BCKDHB: variants seen among roughly 807,000 people sequenced by gnomAD.
BCKDHB encodes the protein branched chain keto acid dehydrogenase E1 subunit beta.
BCKDHB carries 41 observed loss-of-function variants against 48.5 expected under a neutral mutation model. The observed-to-expected ratio is 0.85, with a 90% CI of 0.66 to 1.10. The LOEUF (loss-of-function observed/expected upper bound fraction) is 1.10, where lower values mean the gene tolerates loss of function less well. Among genes scored for constraint, BCKDHB ranks in the 50% least tolerant of loss-of-function variants. The pLI, the probability that BCKDHB is intolerant of heterozygous loss-of-function variation, is 0.00. For missense variants in BCKDHB, 496 were observed against 494.2 expected, an observed-to-expected ratio of 1.00 and a Z score of -0.03; for synonymous variants, 201 against 174.8, an observed-to-expected ratio of 1.15 and a Z score of -1.18.
the BCKDHB span, among the ~76,000 whole-genome samples, chr6:80,450,524 G>A: frequency 1.3e-5 from 2 of 151,988 alleles, no homozygotes; most frequent in Non-Finnish European, 2.9e-5. Context: ...CAAGAGTTTT[G>A]GTATATAGGT....
intron 8 of BCKDHB, among the ~76,000 whole-genome samples, chr6:80,207,886 G>T (rs1243065257): frequency 2.0e-5 from 3 of 151,776 alleles, no homozygotes; most frequent in Non-Finnish European, 4.4e-5. Flanking sequence ...ACAGAACTCA[G>T]AAGAGGTATG....
chr6:80,404,480 G>A, the BCKDHB span, among the ~76,000 whole-genome samples: 1 of 151,334 alleles, frequency 6.6e-6, no homozygotes, highest in African/African-American at 2.4e-5. Context: ...GTTTAGCTAA[G>A]AATTTGTCTA....
At chr6:80,210,251 A>G (rs1434716786) in intron 8 of BCKDHB, among the ~76,000 whole-genome samples, 2 of 150,394 alleles carry the variant, frequency 1.3e-5, no homozygotes, top group South Asian at 2.1e-4. Flanking sequence ...TAAGTATAAT[A>G]TTGTTCAGCG....
chr6:80,132,090 C>G (rs1302802413), intron 3 of BCKDHB, among the ~76,000 whole-genome samples: 2 of 152,004 alleles, frequency 1.3e-5, no homozygotes, highest in African/African-American at 2.4e-5. Context: ...TGTTGAGTTA[C>G]TGGTTGTTTC....
chr6:80,453,863 C>T, the BCKDHB span, among the ~76,000 whole-genome samples: 2 of 151,930 alleles, frequency 1.3e-5, no homozygotes, highest in Admixed American at 1.3e-4. Context: ...CTTGTATTTC[C>T]TTCTCCCCTC....
At chr6:80,397,751 G>GT in the BCKDHB span, among the ~76,000 whole-genome samples, 1 of 151,992 alleles carries the variant, frequency 6.6e-6, no homozygotes, top group Non-Finnish European at 1.5e-5. Context: ...GCATGGTGGC[G>GT]TGTGCCTAGT....
chr6:80,235,874 G>A (rs1157605874), intron 8 of BCKDHB, among the ~76,000 whole-genome samples: 5 of 152,152 alleles, frequency 3.3e-5, no homozygotes, highest in African/African-American at 1.2e-4. Flanking sequence ...GTGAGCACCG[G>A]CACTGGGAAC....
At chr6:80,380,501 A>G in the BCKDHB span, among the ~76,000 whole-genome samples, 1 of 152,018 alleles carries the variant, frequency 6.6e-6, no homozygotes, top group Non-Finnish European at 1.5e-5. Context: ...AAATCTAGAA[A>G]AAACTCTTCT....
chr6:80,318,375 T>C (rs1768546739), intron 9 of BCKDHB, among the ~76,000 whole-genome samples: 1 of 151,950 alleles, frequency 6.6e-6, no homozygotes, highest in Non-Finnish European at 1.5e-5. Flanking sequence ...CATCTGTGGG[T>C]TCAACCAACC....
rs958471420 is a variant in BCKDHB at position 80,129,050 on chromosome 6, C to T, written c.275-111C>T. On this transcript the variant is annotated intron_variant, in intron 2 of 9. Coordinates refer to ENST00000320393, the MANE Select transcript of BCKDHB (RefSeq NM_183050.4). ...AGAAACCTTGATCGAGATCTATGGTCCATTTATCTTTTGTGATTTAAAATG... is the reference window on the plus strand; with the variant it reads ...AGAAACCTTGATCGAGATCTATGGTTCATTTATCTTTTGTGATTTAAAATG... 4.4e-5 allele frequency: 36 copies of T among 820,154 alleles called. 1 individual carries two copies. In the African/African-American group the frequency reaches 5.0e-4, roughly 11 times the overall value. 50.8% of individuals were successfully genotyped at this position (820,154 alleles called of 1,614,324 possible).
downstream of BCKDHB, among the ~76,000 whole-genome samples, chr6:80,346,821 C>G (rs778014050): frequency 1.3e-5 from 2 of 152,078 alleles, no homozygotes; most frequent in African/African-American, 2.4e-5. Flanking sequence ...TTTAGACAAG[C>G]CTTAGCCTTT....
At chr6:80,244,268 G>A (rs181126654) in intron 8 of BCKDHB, among the ~76,000 whole-genome samples, 17 of 152,328 alleles carry the variant, frequency 1.1e-4, no homozygotes, top group Admixed American at 3.3e-4. Flanking sequence ...ACACACGTGC[G>A]CATGTAGGTG....
chr6:80,114,264 TTAAA>T (rs1769568115), intron 1 of BCKDHB, among the ~76,000 whole-genome samples: 2 of 151,530 alleles, frequency 1.3e-5, no homozygotes, highest in Admixed American at 1.3e-4. Flanking sequence ...TTTTTTTTAA[TTAAA>T]TACAGGGTCT....
At chr6:80,155,733 C>CT (rs1772008388) in intron 3 of BCKDHB, among the ~76,000 whole-genome samples, 2 of 151,360 alleles carry the variant, frequency 1.3e-5, no homozygotes, top group Admixed American at 6.6e-5. Flanking sequence ...CATTGAATTT[C>CT]TTTTTTTCCC....
chr6:80,248,159 T>C (rs560208983), intron 8 of BCKDHB, among the ~76,000 whole-genome samples: 107 of 152,326 alleles, frequency 7.0e-4, no homozygotes, highest in African/African-American at 2.5e-3. Context: ...GAAATTCATC[T>C]TCATAAAGCT....
chr6:80,397,041 C>T, the BCKDHB span, among the ~76,000 whole-genome samples: 1 of 152,134 alleles, frequency 6.6e-6, no homozygotes, highest in Non-Finnish European at 1.5e-5. Flanking sequence ...CAGAACTGCA[C>T]CCCCCGCTTA....
chr6:80,133,854 G>A (rs1039765921), intron 3 of BCKDHB, among the ~76,000 whole-genome samples: 3 of 152,030 alleles, frequency 2.0e-5, no homozygotes, highest in Admixed American at 6.6e-5. Flanking sequence ...TGTTGGCTAG[G>A]CTGGTCTCGA....
chr6:80,355,255 C>G, the BCKDHB span, among the ~76,000 whole-genome samples: 1 of 151,952 alleles, frequency 6.6e-6, no homozygotes. Context: ...CAAAAATTAA[C>G]TGGGCATGGT....
chr6:80,417,906 G>C, the BCKDHB span, among the ~76,000 whole-genome samples: 1 of 152,098 alleles, frequency 6.6e-6, no homozygotes, highest in Non-Finnish European at 1.5e-5. Flanking sequence ...AATTCTCCTT[G>C]ATAATATTCT....
Sources: gnomAD v4.1 joint callset for allele counts (sites outside exome capture counted in the v4.1 genomes callset) on GRCh38, gnomAD v4.1.1 for gene constraint, MANE v1.5 for transcripts, NCBI Gene and HGNC (gene_info 2026-07-23, HGNC 2026-07-21) for gene names.